GRIP1: variants seen among roughly 807,000 people sequenced by gnomAD.
GRIP1 encodes the protein glutamate receptor interacting protein 1, also known as glutamate receptor-interacting protein 1.
GRIP1 carries 45 observed loss-of-function variants against 129.9 expected under a neutral mutation model. That is an observed-to-expected ratio of 0.35 (90% confidence interval 0.27 to 0.44). The LOEUF is 0.44. GRIP1 is among the 20% of genes least tolerant of loss of function. The pLI is 1.00. For synonymous variants in GRIP1, 530 were observed against 520.8 expected (o/e 1.02, Z -0.24); for missense variants, 1,196 against 1,396.8 (o/e 0.86, Z 2.29).
At chr12:66,377,919 T>C (rs1191587915) in intron 20 of GRIP1, among the ~76,000 whole-genome samples, 1 of 151,642 alleles carries the variant, frequency 6.6e-6, no homozygotes, top group Non-Finnish European at 1.5e-5. Flanking sequence ...TCAGCTGCTA[T>C]ATCTACAAGG....
At chr12:66,628,602 G>A (rs556884270) in intron 1 of GRIP1, among the ~76,000 whole-genome samples, 7 of 152,136 alleles carry the variant, frequency 4.6e-5, no homozygotes, top group South Asian at 2.1e-4. Flanking sequence ...TTGTGTATTC[G>A]CAAAATTTCT....
intron 11 of GRIP1, among the ~76,000 whole-genome samples, chr12:66,448,456 T>C (rs542213555): frequency 9.8e-5 from 15 of 152,334 alleles, no homozygotes; most frequent in African/African-American, 3.6e-4. Flanking sequence ...AATGTACTTA[T>C]TTCTGGGTCC....
intron 5 of GRIP1, among the ~76,000 whole-genome samples, chr12:66,526,452 G>T (rs2061244051): frequency 6.6e-6 from 1 of 152,054 alleles, no homozygotes; most frequent in African/African-American, 2.4e-5. Flanking sequence ...TTAATAAATG[G>T]TGCTGGGAAA....
intron 1 of GRIP1, among the ~76,000 whole-genome samples, chr12:66,620,331 A>AGG: frequency 6.6e-6 from 1 of 152,306 alleles, no homozygotes; most frequent in Admixed American, 6.5e-5. Context: ...GTTCAATGTT[A>AGG]GTTATGAAGA....
intron 1 of GRIP1, among the ~76,000 whole-genome samples, chr12:66,770,418 C>A (rs2037780660): frequency 6.6e-6 from 1 of 152,130 alleles, no homozygotes; most frequent in East Asian, 1.9e-4. Context: ...TGGTCAAGAC[C>A]AAGATTATTC....
intron 1 of GRIP1, among the ~76,000 whole-genome samples, chr12:66,887,811 G>C (rs2040590470): frequency 6.6e-6 from 1 of 152,126 alleles, no homozygotes; most frequent in Admixed American, 6.5e-5. Flanking sequence ...TCCTTAGCCA[G>C]AGAAGATATT....
chr12:66,544,114 A>T (rs989366322), intron 2 of GRIP1, among the ~76,000 whole-genome samples: 12 of 152,346 alleles, frequency 7.9e-5, no homozygotes, highest in African/African-American at 2.9e-4. Flanking sequence ...AGAAAAGCTC[A>T]ATTATTTTAG....
chr12:66,906,286 T>A (rs141814422), intron 1 of GRIP1, among the ~76,000 whole-genome samples: 2,066 of 151,354 alleles, frequency 0.014, 52 homozygotes, highest in African/African-American at 0.047. Context: ...AACAAAAAAA[T>A]TAGCTGGGCA....
intron 1 of GRIP1, among the ~76,000 whole-genome samples, chr12:66,770,126 T>C (rs1045656889): frequency 1.3e-5 from 2 of 152,178 alleles, no homozygotes; most frequent in African/African-American, 4.8e-5. Context: ...CTAAAACATA[T>C]AAAGCATTTG....
At chr12:67,036,205 A>G (rs1484777625) in intron 1 of GRIP1, among the ~76,000 whole-genome samples, 4 of 152,166 alleles carry the variant, frequency 2.6e-5, no homozygotes, top group Non-Finnish European at 5.9e-5. Flanking sequence ...TTAGTAGCCG[A>G]GTTTGCATTT....
intron 1 of GRIP1, among the ~76,000 whole-genome samples, chr12:67,013,727 C>T (rs1319829770): frequency 5.3e-5 from 8 of 152,278 alleles, no homozygotes; most frequent in Non-Finnish European, 1.0e-4. Flanking sequence ...GCCCAATATC[C>T]ATTCTATCCA....
At chr12:66,950,015 A>C (rs924512070) in intron 1 of GRIP1, among the ~76,000 whole-genome samples, 1 of 151,256 alleles carries the variant, frequency 6.6e-6, no homozygotes, top group Non-Finnish European at 1.5e-5. Flanking sequence ...TGACCTCGTG[A>C]TCCACCCATT....
intron 7 of GRIP1, among the ~76,000 whole-genome samples, chr12:66,513,205 C>G (rs2060749897): frequency 6.6e-6 from 1 of 152,090 alleles, no homozygotes; most frequent in Non-Finnish European, 1.5e-5. Context: ...ATGTTAATAT[C>G]AGATAGACTT....
At chr12:66,459,120 A>G (rs756480111) in intron 9 of GRIP1, among the ~76,000 whole-genome samples, 5 of 152,226 alleles carry the variant, frequency 3.3e-5, no homozygotes, top group Non-Finnish European at 5.9e-5. Context: ...TGCTCACTAA[A>G]TATATCCTAG....
At chr12:66,517,484 C>A in intron 6 of GRIP1, among the ~76,000 whole-genome samples, 1 of 152,108 alleles carries the variant, frequency 6.6e-6, no homozygotes, top group East Asian at 1.9e-4. Flanking sequence ...ACCACCACCA[C>A]CTATCTGTCC....
chr12:66,769,773 A>G (rs894147881), intron 1 of GRIP1, among the ~76,000 whole-genome samples: 1 of 152,098 alleles, frequency 6.6e-6, no homozygotes, highest in Non-Finnish European at 1.5e-5. Context: ...TTTTGGCTAT[A>G]CCTACTTCTA....
intron 2 of GRIP1, among the ~76,000 whole-genome samples, chr12:66,570,101 T>C (rs545064417): frequency 1.7e-5 from 2 of 115,570 alleles, no homozygotes; most frequent in East Asian, 2.3e-4. Context: ...TTTGTAGGCA[T>C]TGCATGTATG....
chr12:66,541,974 T>A (rs766104855), intron 2 of GRIP1, 24 bp from the exon 3 acceptor site: 4 of 1,610,840 alleles, frequency 2.5e-6, no homozygotes, highest in Non-Finnish European at 3.4e-6. Flanking sequence ...AGCATTTGCC[T>A]TATTAAAATG....
intron 1 of GRIP1, among the ~76,000 whole-genome samples, chr12:66,773,293 C>A (rs1430005813): frequency 2.0e-5 from 3 of 152,192 alleles, no homozygotes; most frequent in Non-Finnish European, 2.9e-5. Flanking sequence ...CTGTAATAAA[C>A]ATACCTGTGC....
Sources: gnomAD v4.1 joint callset for allele counts (sites outside exome capture counted in the v4.1 genomes callset) on GRCh38, gnomAD v4.1.1 for gene constraint, MANE v1.5 for transcripts, NCBI Gene and HGNC (gene_info 2026-07-23, HGNC 2026-07-21) for gene names.